The following PCDHA10 variants were observed in gnomAD, a reference collection of about 807,000 sequenced individuals.
PCDHA10 encodes protocadherin alpha 10.
PCDHA10 carries 45 observed loss-of-function variants against 61.2 expected under a neutral mutation model. That is an observed-to-expected ratio of 0.74 (90% confidence interval 0.58 to 0.94). The LOEUF (loss-of-function observed/expected upper bound fraction) is 0.94, where lower values mean the gene tolerates loss of function less well. Among genes scored for constraint, PCDHA10 ranks in the 40% least tolerant of loss-of-function variants. The pLI, the probability that PCDHA10 is intolerant of heterozygous loss-of-function variation, is 0.00. For missense variants in PCDHA10, 1,278 were observed against 1,236.2 expected, an observed-to-expected ratio of 1.03 and a Z score of -0.51; for synonymous variants, 602 against 548.8, an observed-to-expected ratio of 1.10 and a Z score of -1.35.
chr5:140,898,548 T>C (rs1445483717), intron 1 of PCDHA10, among the ~76,000 whole-genome samples: 2 of 152,252 alleles, frequency 1.3e-5, no homozygotes, highest in Non-Finnish European at 2.9e-5. Context: ...CATTTATCTA[T>C]GTCTCTGTTT....
Position 141,009,916 on chromosome 5 carries a change from G to T in PCDHA10, c.2826G>T (p.Thr942=). The change falls in exon 4 of 4, where the codon ACG becomes ACT. Residue 942 remains threonine, a synonymous_variant. Coordinates refer to ENST00000307360, the MANE Select transcript of PCDHA10 (RefSeq NM_018901.4). ...AGAAAAAAGAGAAAGGGAACAGCAC[G>T]ACTGACAACAGTGACCAGTGAGGTC... ...TQEKKEKGNS[T]TDNSDQ The T allele has an allele frequency of 6.2e-7, 1 of 1,611,502 alleles. No individual in the cohort carries two copies. Among genetic ancestry groups the T allele is most frequent in the South Asian group, 1.1e-5 (1 of 90,550 alleles).
chr5:140,967,433 C>A, intron 1 of PCDHA10: 1 of 1,613,500 alleles, frequency 6.2e-7, no homozygotes, highest in Non-Finnish European at 8.5e-7. Context: ...GGCAGCCTTG[C>A]ACCACCTGGT....
intron 1 of PCDHA10, chr5:140,884,570 G>A (rs1174925238): frequency 6.2e-7 from 1 of 1,614,074 alleles, no homozygotes; most frequent in Non-Finnish European, 8.5e-7. Flanking sequence ...GCATAAGACG[G>A]ACCTCATGGC....
At chr5:140,945,790 T>C (rs1340396620) in intron 1 of PCDHA10, among the ~76,000 whole-genome samples, 2 of 152,010 alleles carry the variant, frequency 1.3e-5, no homozygotes, top group South Asian at 2.1e-4. Context: ...TGCAGAAAAA[T>C]GAAACTAGAC....
chr5:140,920,716 C>T (rs1456008356), intron 1 of PCDHA10, among the ~76,000 whole-genome samples: 3 of 151,916 alleles, frequency 2.0e-5, no homozygotes, highest in South Asian at 2.1e-4. Flanking sequence ...TGGTGGTGTG[C>T]GCCTGCAGTC....
chr5:140,920,588 G>A lies in PCDHA10; in HGVS notation c.2389-58361G>A, dbSNP rs561082502. 2.0e-5 allele frequency among the ~76,000 whole-genome samples: 3 copies of A among 152,284 alleles called. No individual in the cohort carries two copies. The South Asian group carries it at 6.2e-4, about 32-fold the overall frequency. On this transcript the variant is annotated intron_variant, in intron 1 of 3. Transcript: ENST00000307360. ...AGGCCAGGAGCAGTGGCTCACGCCT[G>A]TAATCCCAGCACTTTGGGAGGCCGA...
intron 1 of PCDHA10, chr5:140,882,064 C>G (rs1277765660): frequency 1.1e-5 from 9 of 831,034 alleles, no homozygotes; most frequent in Non-Finnish European, 1.6e-5. Context: ...CTTACACGTT[C>G]ATGCGCATGG....
intron 1 of PCDHA10, chr5:140,881,374 G>A: frequency 3.0e-6 from 3 of 984,938 alleles, no homozygotes; most frequent in Non-Finnish European, 3.6e-6. Flanking sequence ...ATGAATTGCA[G>A]CCGGCGGCGG....
chr5:140,873,734 C>T (rs2054463877), intron 1 of PCDHA10, among the ~76,000 whole-genome samples: 1 of 152,178 alleles, frequency 6.6e-6, no homozygotes, highest in African/African-American at 2.4e-5. Flanking sequence ...AATCTCAGCT[C>T]ACTGCAATCT....
chr5:140,882,161 T>C (rs1235221234), intron 1 of PCDHA10: 1 of 1,509,194 alleles, frequency 6.6e-7, no homozygotes, highest in African/African-American at 1.4e-5. Flanking sequence ...GGAATACCTC[T>C]TGCGAATCCT....
rs782491268 is a variant in PCDHA10 at position 140,857,317 on chromosome 5, G to T, written c.1269G>T (p.Val423=). 1.5e-5 allele frequency: 24 copies of T among 1,598,644 alleles called. 2 individuals carry two copies. The highest frequency in any genetic ancestry group is 1.9e-5 in the Non-Finnish European group (22 of 1,168,052). ...AGAGGGTGTCGGCCTATGAGCTGGTGGTGACCGCGCGGGACGGGGGCTCGC... is the reference window on the plus strand; with the variant it reads ...AGAGGGTGTCGGCCTATGAGCTGGTTGTGACCGCGCGGGACGGGGGCTCGC... ...DRERVSAYEL[V]VTARDGGSPP... The change falls in exon 1 of 4, where the codon GTG becomes GTT. Residue 423 remains valine, a synonymous_variant. Transcript: ENST00000307360.
intron 1 of PCDHA10, chr5:140,877,728 G>A: frequency 1.2e-6 from 2 of 1,614,164 alleles, no homozygotes; most frequent in Non-Finnish European, 1.7e-6. Context: ...CTTACTCGCA[G>A]CAGAGGAGGC....
chr5:140,918,456 T>A (rs782254836), intron 1 of PCDHA10, among the ~76,000 whole-genome samples: 9 of 152,316 alleles, frequency 5.9e-5, no homozygotes, highest in South Asian at 4.1e-4. Flanking sequence ...GTGGGCATCC[T>A]TGTCTTATTC....
At chr5:140,926,973 G>A in intron 1 of PCDHA10, 3 of 1,609,762 alleles carry the variant, frequency 1.9e-6, no homozygotes, top group African/African-American at 1.3e-5. Context: ...ACTCAGTGCC[G>A]GAGGAGACGG....
At chr5:140,929,189 A>G (rs782622519) in intron 1 of PCDHA10, 62 of 1,614,180 alleles carry the variant, frequency 3.8e-5, no homozygotes, top group Non-Finnish European at 4.7e-5. Flanking sequence ...GGTTCTGATA[A>G]TAACAGTTTG....
intron 1 of PCDHA10, among the ~76,000 whole-genome samples, chr5:140,907,507 T>C (rs1358466312): frequency 2.0e-5 from 3 of 152,230 alleles, no homozygotes; most frequent in Admixed American, 6.5e-5. Context: ...TAAGTGTCTA[T>C]TCCAGTGAGG....
intron 1 of PCDHA10, chr5:140,865,867 G>A (rs1382471078): frequency 7.9e-5 from 12 of 152,202 alleles, no homozygotes; most frequent in South Asian, 2.1e-4. Flanking sequence ...ACATGGTCTC[G>A]GCTAGGAAAA....
In PCDHA10 at chr5:141,010,434, A is replaced by G; in HGVS notation, c.*497A>G. 9.7e-7 allele frequency: 1 copy of G among 1,031,156 alleles called. No homozygotes were observed. Among genetic ancestry groups the G allele is most frequent in the Non-Finnish European group, 1.4e-6 (1 of 732,962 alleles). 63.9% of individuals were successfully genotyped at this position (1,031,156 alleles called of 1,614,324 possible). A position where few individuals can be genotyped will look rare whatever the true frequency, so the allele number is the denominator to read the frequency against. ...TTGGTACAAGGAAGGCAAGAAAACA[A>G]AGACAAATAAACAGCGGAAGTTATC... On this transcript the variant is annotated 3_prime_UTR_variant, in exon 4 of 4. Transcript: ENST00000307360.
rs139314570 is a variant in PCDHA10, at chr5:140,952,780, A to G, written c.2389-26169A>G. 2.0e-3 allele frequency among the ~76,000 whole-genome samples: 310 copies of G among 152,316 alleles called. 3 individuals are homozygous for G. The highest frequency in any genetic ancestry group is 7.3e-3 in the African/African-American group (302 of 41,572). On this transcript the variant is annotated intron_variant, in intron 1 of 3. Transcript: ENST00000307360. ...CTGAGACTGGATAATTTAGAAAGAA[A>G]AGAGGTTTAACTGGCTCGCAGTTCT... is the stretch of plus-strand genomic sequence containing the variant.
Sources: gnomAD v4.1 joint callset for allele counts (sites outside exome capture counted in the v4.1 genomes callset) on GRCh38, gnomAD v4.1.1 for gene constraint, MANE v1.5 for transcripts, NCBI Gene and HGNC (gene_info 2026-07-23, HGNC 2026-07-21) for gene names.